RNF212B: variants seen among roughly 807,000 people sequenced by gnomAD.
RNF212B encodes the protein ring finger protein 212B, also known as E3 ubiquitin-protein ligase RNF212B.
In RNF212B, 52 loss-of-function variants were observed where a neutral mutation model predicts 55.5. The ratio of observed to expected loss-of-function variants is 0.94; its 90% CI spans 0.75 to 1.18. The LOEUF is 1.18. RNF212B is among the 50% of genes most tolerant of loss of function. The probability of loss-of-function intolerance (pLI) is 0.00; values close to 1 mark genes in which losing one functional copy is unlikely to be tolerated. For synonymous variants in RNF212B, 99 were observed against 121.4 expected (o/e 0.82, Z 1.21); for missense variants, 289 against 350.4 (o/e 0.82, Z 1.40).
chr14:23,210,497 G>A (rs545303213), intron 2 of RNF212B, among the ~76,000 whole-genome samples: 2 of 152,286 alleles, frequency 1.3e-5, no homozygotes, highest in South Asian at 4.1e-4. Flanking sequence ...TGTAGGATGG[G>A]GTGGGCGTGG....
chr14:23,216,620 C>A (rs1379167410), intron 2 of RNF212B, among the ~76,000 whole-genome samples: 2 of 151,586 alleles, frequency 1.3e-5, no homozygotes, highest in African/African-American at 4.8e-5. Context: ...TGGCTCACGC[C>A]TGTAATCCCA....
At chr14:23,267,170 C>T (rs768592089) in intron 11 of RNF212B, among the ~76,000 whole-genome samples, 29 of 151,976 alleles carry the variant, frequency 1.9e-4, no homozygotes, top group Non-Finnish European at 3.4e-4. Flanking sequence ...TTTGTAGAGA[C>T]GAGGTCTCCC....
At chr14:23,238,599 G>C (rs1883304943) in intron 1 of RNF212B, among the ~76,000 whole-genome samples, 1 of 151,794 alleles carries the variant, frequency 6.6e-6, no homozygotes. Flanking sequence ...ATAGCCAGGC[G>C]TGGTGGTGCT....
chr14:23,264,748 T>G, intron 11 of RNF212B, 77 bp downstream of exon 11: 3 of 833,166 alleles, frequency 3.6e-6, no homozygotes, highest in Non-Finnish European at 4.9e-6. Context: ...TTTCTATGCA[T>G]AATATAATGC....
intron 2 of RNF212B, among the ~76,000 whole-genome samples, chr14:23,232,036 C>T (rs74840007): frequency 0.012 from 1,897 of 152,316 alleles, 16 homozygotes; most frequent in Middle Eastern, 0.031. Context: ...CCCAAAGTGC[C>T]GAGATTGCAG....
rs140078361 is a variant in RNF212B, at chr14:23,241,500, T to C, written c.100+1055T>C. ...ATGCAGTGGCACAATCTTGGCTCAC[T>C]GCAACCTCTGCTTCCCAGGTTCAAG... On this transcript the variant is annotated intron_variant, in intron 2 of 14. Transcript: ENST00000430154. Among the ~76,000 whole-genome samples the C allele has an allele frequency of 1.1e-3, 164 of 152,184 alleles. 3 individuals are homozygous for C. In the East Asian group the frequency reaches 0.026, roughly 24 times the overall value.
chr14:23,201,020 G>A (rs1879236194), intron 2 of RNF212B, among the ~76,000 whole-genome samples: 1 of 152,186 alleles, frequency 6.6e-6, no homozygotes, highest in Non-Finnish European at 1.5e-5. Context: ...CTAAATTGTT[G>A]AAAGCTGTCA....
intron 2 of RNF212B, among the ~76,000 whole-genome samples, chr14:23,215,078 G>C (rs994312941): frequency 6.6e-6 from 1 of 152,200 alleles, no homozygotes; most frequent in Admixed American, 6.5e-5. Context: ...GGAGGGACCT[G>C]GTGGGAGGTG....
intron 2 of RNF212B, among the ~76,000 whole-genome samples, chr14:23,221,626 C>T (rs1334220249): frequency 6.6e-6 from 1 of 152,182 alleles, no homozygotes; most frequent in African/African-American, 2.4e-5. Flanking sequence ...ATCTGTAATA[C>T]TGAACAAATG....
intron 2 of RNF212B, among the ~76,000 whole-genome samples, chr14:23,223,476 C>A (rs1881742238): frequency 6.6e-6 from 1 of 152,130 alleles, no homozygotes. Flanking sequence ...CTGCCTCAGC[C>A]TCCCGAGTAG....
chr14:23,270,062 A>C, intron 13 of RNF212B, 102 bp downstream of exon 13: 1 of 715,024 alleles, frequency 1.4e-6, no homozygotes, highest in Non-Finnish European at 2.4e-6. Flanking sequence ...TTGCCCCCCA[A>C]AGAGCATTGT....
Position 23,264,083 on chromosome 14 carries a change from G to A in RNF212B, c.525-91G>A, listed in dbSNP as rs1885500310. 2.9e-6 allele frequency: 3 copies of A among 1,030,114 alleles called. No homozygotes were observed. The Admixed American group carries it at 6.6e-5, about 23-fold the overall frequency. The allele number at this position is 1,030,114 out of a possible 1,614,324, so 63.8% of individuals were successfully genotyped here. On this transcript the variant is annotated intron_variant, in intron 9 of 14. Transcript: ENST00000430154. ...AGCCTGGGCAACAGAGTGAGACTCT[G>A]TCTGAAAAAAACCAAAACAAAAAAA... is the stretch of plus-strand genomic sequence containing the variant.
intron 1 of RNF212B, among the ~76,000 whole-genome samples, chr14:23,185,702 G>A (rs1877525840): frequency 6.6e-6 from 1 of 152,216 alleles, no homozygotes; most frequent in African/African-American, 2.4e-5. Context: ...GGTACTAGGT[G>A]CACACGTTGG....
chr14:23,233,634 C>T (rs180678936), upstream of RNF212B, among the ~76,000 whole-genome samples: 8 of 144,062 alleles, frequency 5.6e-5, no homozygotes, highest in East Asian at 4.1e-4. Context: ...CCCAGCCACT[C>T]GGGAGGCTGA....
At chr14:23,196,443 A>G (rs1234206187) in intron 2 of RNF212B, among the ~76,000 whole-genome samples, 4 of 152,064 alleles carry the variant, frequency 2.6e-5, no homozygotes, top group East Asian at 3.9e-4. Flanking sequence ...TCAAAAAAAC[A>G]AAAACAAAAA....
intron 1 of RNF212B, among the ~76,000 whole-genome samples, chr14:23,238,611 G>A (rs950481482): frequency 6.6e-6 from 1 of 151,680 alleles, no homozygotes; most frequent in Non-Finnish European, 1.5e-5. Context: ...GGTGGTGCTC[G>A]CCTGTAGTCC....
At chr14:23,257,646 T>C (rs913906994) in intron 4 of RNF212B, among the ~76,000 whole-genome samples, 1 of 152,202 alleles carries the variant, frequency 6.6e-6, no homozygotes, top group Non-Finnish European at 1.5e-5. Flanking sequence ...CTGACAAAGC[T>C]AAAACACTTT....
At chr14:23,271,384 A>G (rs1886067194) in intron 14 of RNF212B, among the ~76,000 whole-genome samples, 1 of 151,886 alleles carries the variant, frequency 6.6e-6, no homozygotes. Flanking sequence ...CGGAGCTTGC[A>G]GTGAGCCGAG....
At chr14:23,211,662 T>C (rs1167165216) in intron 2 of RNF212B, among the ~76,000 whole-genome samples, 4 of 152,190 alleles carry the variant, frequency 2.6e-5, no homozygotes, top group East Asian at 3.8e-4. Flanking sequence ...CAGGAACACA[T>C]AATTGATTTA....
Sources: allele counts gnomAD v4.1 joint callset (sites outside exome capture counted in the v4.1 genomes callset), GRCh38; gene constraint gnomAD v4.1.1; transcripts MANE v1.5; gene names NCBI Gene and HGNC (gene_info 2026-07-23, HGNC 2026-07-21).